TCF3: variants seen among roughly 807,000 people sequenced by gnomAD.
TCF3 encodes transcription factor E2-alpha.
In TCF3, 54 loss-of-function variants were observed where a neutral mutation model predicts 72.3. The observed-to-expected ratio is 0.75, with a 90% confidence interval of 0.60 to 0.94. The LOEUF is 0.94. TCF3 is among the 40% of genes least tolerant of loss of function. The pLI is 0.00. For missense variants in TCF3, 1,078 were observed against 934.4 expected (o/e 1.15, Z -2.00); for synonymous variants, 525 against 412.6 (o/e 1.27, Z -3.30).
In TCF3 at chr19:1,615,720, T is replaced by TCTC; in HGVS notation, c.1549_1551dup (p.Glu517dup). The TCTC allele has an allele frequency of 6.2e-7, 1 of 1,613,162 alleles. No individual in the cohort carries two copies. The highest frequency in any genetic ancestry group is 8.5e-7 in the Non-Finnish European group (1 of 1,179,538). On this transcript the variant is annotated inframe_insertion, in exon 17 of 19. Coordinates refer to ENST00000262965, the MANE Select transcript of TCF3 (RefSeq NM_003200.5). This position sits in a 1 kb window ranked among gnomAD's most constrained non-coding sequence, Gnocchi z 7.3. ...GCCCGGGGGGCCTTCAGCTCCTTCTTCTCCTCCTCCGAGTGGTCAGCCGCT... is the reference window on the plus strand; with the variant it reads ...GCCCGGGGGGCCTTCAGCTCCTTCTTCTCCTCCTCCTCCGAGTGGTCAGCCGCT...
At chr19:1,612,043 G>C (rs1019620937) in intron 18 of TCF3, among the ~76,000 whole-genome samples, 194 bp from the exon 19 acceptor site, 2 of 152,000 alleles carry the variant, frequency 1.3e-5, no homozygotes, top group Admixed American at 1.3e-4. Flanking sequence ...AAAGAAGAGA[G>C]TGGGTATCAG....
intron 3 of TCF3, among the ~76,000 whole-genome samples, chr19:1,642,027 AGAGT>A (rs1009907622): frequency 6.6e-6 from 1 of 152,024 alleles, no homozygotes; most frequent in African/African-American, 2.4e-5. Context: ...TCTGGACAAC[AGAGT>A]GAGACCTGGT....
At chr19:1,623,451 T>C (rs1305261791) in intron 8 of TCF3, among the ~76,000 whole-genome samples, 1 of 150,198 alleles carries the variant, frequency 6.7e-6, no homozygotes, top group Non-Finnish European at 1.5e-5. Context: ...CGGCATGATC[T>C]TGGCTCACTG....
chr19:1,619,370 C>T lies in TCF3; in HGVS notation c.1272G>A (p.Ala424=), dbSNP rs759590377. 90 of 1,588,182 alleles carry T rather than the reference C, an allele frequency of 5.7e-5. No individual in the cohort carries two copies. Among genetic ancestry groups the T allele is most frequent in the Middle Eastern group, 2.0e-4 (1 of 4,914 alleles). ...DMHTLLPGHG[A]LASGFTGPMS... is the part of the protein sequence containing the mutation. ...TGGGGCCGGTGAAACCTGAGGCCAG[C>T]GCCCCGTGGCCAGGCAGCAGCGTGT... The change falls in exon 15 of 19, where the codon GCG becomes GCA. Residue 424 remains alanine, a synonymous_variant. Transcript: ENST00000262965.
At chr19:1,650,370 A>C in intron 1 of TCF3, 83 bp from the exon 2 acceptor site, 1 of 1,077,384 alleles carries the variant, frequency 9.3e-7, no homozygotes, top group Non-Finnish European at 1.3e-6. Context: ...ACAGAGTGCT[A>C]AAAGCCACCT....
chr19:1,640,106 C>G (rs1408700865), intron 3 of TCF3, among the ~76,000 whole-genome samples: 5 of 152,218 alleles, frequency 3.3e-5, no homozygotes, highest in Non-Finnish European at 7.3e-5. Flanking sequence ...CGCCCTCAGC[C>G]TCCCTGCGCA....
In TCF3 at chr19:1,611,371, T is replaced by A. The variant is rs2060970292; in HGVS notation, c.*336A>T. ...TTGCTTGCTTTCAGGTTTTGTTTAC[T>A]GGAAAAAAAAAAAATGCTCCTGTCA... On this transcript the variant is annotated 3_prime_UTR_variant, in exon 19 of 19. Coordinates refer to ENST00000262965, the MANE Select transcript of TCF3 (RefSeq NM_003200.5). The A allele has an allele frequency of 2.5e-6, 1 of 397,710 alleles. No homozygotes were observed. The highest frequency in any genetic ancestry group is 4.3e-5 in the Admixed American group (1 of 23,442). 24.6% of individuals were successfully genotyped at this position (397,710 alleles called of 1,614,324 possible).
chr19:1,622,269 G>T, intron 9 of TCF3, 44 bp downstream of exon 9: 1 of 1,508,150 alleles, frequency 6.6e-7, no homozygotes. Context: ...GGGAACCCCA[G>T]CCCTGCCCTA....
chr19:1,640,499 C>G (rs542181229), intron 3 of TCF3, among the ~76,000 whole-genome samples: 1 of 151,930 alleles, frequency 6.6e-6, no homozygotes, highest in South Asian at 2.1e-4. Flanking sequence ...AGTGAATAAG[C>G]CAAGCTTTGT....
chr19:1,614,767 T>TG lies in TCF3; in HGVS notation c.1822+517dup, dbSNP rs1416819719. Among the ~76,000 whole-genome samples, 1 of 151,176 alleles carries TG rather than the reference T, an allele frequency of 6.6e-6. No individual in the cohort carries two copies. The highest frequency in any genetic ancestry group is 2.4e-5 in the African/African-American group (1 of 41,056). On this transcript the variant is annotated intron_variant, in intron 18 of 18. Transcript: ENST00000262965. This position sits in a 1 kb window ranked among gnomAD's most constrained non-coding sequence, Gnocchi z 5.6. ...CCTTCCTCCCCCTGGCCCTGGGAAA[T>TG]GGGGGTGATAGGAAGTTTCCCTATC...
At chr19:1,645,825 C>G (rs1199475120) in intron 3 of TCF3, among the ~76,000 whole-genome samples, 3 of 152,200 alleles carry the variant, frequency 2.0e-5, no homozygotes, top group African/African-American at 7.2e-5. Flanking sequence ...AGCCGCGGGT[C>G]CCAGGAATTG....
rs28444150 is a variant in TCF3 at position 1,644,860 on chromosome 19, G to A, written c.145+1495C>T. ...GCCCACCCAGAGGCCCAGGAGAATG[G>A]GGGTGGACGGCCTTGGGAGTTGCGC... On this transcript the variant is annotated intron_variant, in intron 3 of 18. Transcript: ENST00000262965. 3.7e-3 allele frequency among the ~76,000 whole-genome samples: 557 copies of A among 152,140 alleles called. 3 individuals are homozygous for A. The highest frequency in any genetic ancestry group is 0.013 in the African/African-American group (522 of 41,494).
At chr19:1,649,110 G>A (rs1055984167) in intron 2 of TCF3, among the ~76,000 whole-genome samples, 1 of 152,228 alleles carries the variant, frequency 6.6e-6, no homozygotes, top group Non-Finnish European at 1.5e-5. Flanking sequence ...AACCACCTAA[G>A]ACTCTGAAGA....
At chr19:1,632,014 G>C in intron 5 of TCF3, 24 bp downstream of exon 5, 1 of 1,609,736 alleles carries the variant, frequency 6.2e-7, no homozygotes, top group Non-Finnish European at 8.5e-7. Flanking sequence ...ACAGCAGAGG[G>C]ACCGCACCAG....
intron 18 of TCF3, among the ~76,000 whole-genome samples, chr19:1,613,838 C>T (rs2061281938): frequency 6.6e-6 from 1 of 152,238 alleles, no homozygotes; most frequent in Non-Finnish European, 1.5e-5. Flanking sequence ...CCTAGGCCTC[C>T]AGGAACCCCA....
At chr19:1,629,557 T>C (rs1045548580) in intron 5 of TCF3, among the ~76,000 whole-genome samples, 4 of 151,870 alleles carry the variant, frequency 2.6e-5, no homozygotes, top group Admixed American at 6.6e-5. Context: ...ATGGAGGGCC[T>C]GGGCTACGGA....
Position 1,625,639 on chromosome 19 carries a change from T to C in TCF3, c.436A>G (p.Thr146Ala). Residue 146 changes from threonine (T) to alanine (A), a missense_variant, in exon 7 of 19, where the codon ACC becomes GCC. Transcript: ENST00000262965. Reference protein sequence around the residue: ...GPLSPSGMKGTSQYYPSYSGS... With the variant: ...GPLSPSGMKGASQYYPSYSGS... The stretch of plus-strand genomic sequence containing the variant: ...GAGTAGGAGGGGTAGTACTGGGAGG[T>C]CCCCTTCATGCCCGAAGGGGACAGG... 3 of 1,544,596 alleles carry C rather than the reference T, an allele frequency of 1.9e-6. No homozygotes were observed. The highest frequency in any genetic ancestry group is 2.6e-5 in the East Asian group (1 of 38,742).
intron 3 of TCF3, among the ~76,000 whole-genome samples, chr19:1,634,959 G>A (rs1275564312): frequency 6.6e-6 from 1 of 152,202 alleles, no homozygotes; most frequent in Non-Finnish European, 1.5e-5. Context: ...TCCGGAGAAG[G>A]CTGGCTGACC....
chr19:1,620,431 C>T (rs942276785), intron 13 of TCF3, among the ~76,000 whole-genome samples: 7 of 152,202 alleles, frequency 4.6e-5, no homozygotes, highest in African/African-American at 1.7e-4. Flanking sequence ...CGGAGCACCG[C>T]ACAGGGTAAA....
Sources: allele counts gnomAD v4.1 joint callset (sites outside exome capture counted in the v4.1 genomes callset), GRCh38; gene constraint gnomAD v4.1.1; non-coding constraint Gnocchi (gnomAD v3.1); transcripts MANE v1.5; gene names NCBI Gene and HGNC (gene_info 2026-07-23, HGNC 2026-07-21).